DOK6: variants seen among roughly 807,000 people sequenced by gnomAD.
DOK6 encodes the protein docking protein 6.
In DOK6, 22 loss-of-function variants were observed where a neutral mutation model predicts 44.0. The ratio of observed to expected loss-of-function variants is 0.50; its 90% CI spans 0.36 to 0.71. The LOEUF is 0.71. Ranked by LOEUF, DOK6 falls within the 30% of genes least tolerant of loss-of-function variation. The probability of loss-of-function intolerance (pLI) is 0.00; values close to 1 mark genes in which losing one functional copy is unlikely to be tolerated. For missense variants in DOK6, 340 were observed against 416.4 expected, an observed-to-expected ratio of 0.82 and a Z score of 1.60; for synonymous variants, 166 against 145.5, an observed-to-expected ratio of 1.14 and a Z score of -1.01.
intron 1 of DOK6, among the ~76,000 whole-genome samples, chr18:69,486,160 A>G (rs1980572721): frequency 6.6e-6 from 1 of 151,878 alleles, no homozygotes; most frequent in South Asian, 2.1e-4. Flanking sequence ...AATAATGTCT[A>G]CATTCTTCTT....
chr18:69,489,195 G>T (rs904193445), intron 1 of DOK6, among the ~76,000 whole-genome samples: 2 of 152,160 alleles, frequency 1.3e-5, no homozygotes, highest in Non-Finnish European at 1.5e-5. Flanking sequence ...ACCTTGTCCA[G>T]CTTAAATACT....
chr18:69,646,972 A>G (rs1320040484), intron 3 of DOK6, among the ~76,000 whole-genome samples: 9 of 152,088 alleles, frequency 5.9e-5, no homozygotes, highest in Non-Finnish European at 1.3e-4. Flanking sequence ...ATCTAGCTAT[A>G]TAATCTATCT....
chr18:69,490,639 C>T (rs112887344), intron 1 of DOK6, among the ~76,000 whole-genome samples: 139 of 152,202 alleles, frequency 9.1e-4, no homozygotes, highest in African/African-American at 3.1e-3. Context: ...TGACCATCTA[C>T]ATACTAATAT....
At chr18:69,777,554 C>T (rs935249285) in intron 7 of DOK6, among the ~76,000 whole-genome samples, 7 of 151,776 alleles carry the variant, frequency 4.6e-5, no homozygotes, top group African/African-American at 1.7e-4. Context: ...TTTTTTCTTA[C>T]CCCAGCAATT....
intron 3 of DOK6, among the ~76,000 whole-genome samples, chr18:69,672,100 G>A (rs1985811432): frequency 6.6e-6 from 1 of 152,108 alleles, no homozygotes; most frequent in Non-Finnish European, 1.5e-5. Context: ...AAACTAAGAA[G>A]GCCATATTTG....
chr18:69,815,463 T>G (rs575634973), intron 7 of DOK6, among the ~76,000 whole-genome samples: 22 of 152,288 alleles, frequency 1.4e-4, no homozygotes, highest in African/African-American at 4.6e-4. Context: ...GGCAATTACT[T>G]GGGACTACGA....
At chr18:69,785,959 C>A in intron 7 of DOK6, among the ~76,000 whole-genome samples, 1 of 152,124 alleles carries the variant, frequency 6.6e-6, no homozygotes, top group Non-Finnish European at 1.5e-5. Context: ...CTCAGCTAGT[C>A]TTAATGCCAT....
intron 7 of DOK6, among the ~76,000 whole-genome samples, chr18:69,838,097 A>AC (rs147750150): frequency 0.19 from 29,004 of 152,112 alleles, 2,882 homozygotes; most frequent in African/African-American, 0.24. Context: ...ATTTAAAAAA[A>AC]GTGTTAATAA....
chr18:69,778,611 T>A (rs1568123956), intron 7 of DOK6, among the ~76,000 whole-genome samples: 1 of 152,150 alleles, frequency 6.6e-6, no homozygotes, highest in South Asian at 2.1e-4. Flanking sequence ...TAAATACTGC[T>A]TTTGAAATGT....
In DOK6 at chr18:69,743,915, T is replaced by C. The variant is rs567974385; in HGVS notation, c.738+4812T>C. Among the ~76,000 whole-genome samples, 71 of 151,788 alleles carry C rather than the reference T, an allele frequency of 4.7e-4. No homozygotes were observed. In the South Asian group the frequency reaches 0.014, roughly 29 times the overall value. On this transcript the variant is annotated intron_variant, in intron 6 of 7. Transcript: ENST00000382713. ...GCTCTGTATACAGTGTAAGGACAAATAGCATGAGTGCTGTTGAAACGCCAG... is the reference window on the plus strand; with the variant it reads ...GCTCTGTATACAGTGTAAGGACAAACAGCATGAGTGCTGTTGAAACGCCAG...
chr18:69,671,514 C>A (rs985607182), intron 3 of DOK6, among the ~76,000 whole-genome samples: 1 of 152,066 alleles, frequency 6.6e-6, no homozygotes, highest in Non-Finnish European at 1.5e-5. Context: ...TTATGCAAAA[C>A]CTTCAGGTTG....
intron 1 of DOK6, among the ~76,000 whole-genome samples, chr18:69,480,963 T>A (rs1980401323): frequency 6.6e-6 from 1 of 152,122 alleles, no homozygotes; most frequent in Non-Finnish European, 1.5e-5. Flanking sequence ...AAGCCCAATA[T>A]ATCTACCTCC....
At chr18:69,573,843 C>T (rs944541743) in intron 2 of DOK6, among the ~76,000 whole-genome samples, 3 of 151,910 alleles carry the variant, frequency 2.0e-5, no homozygotes, top group South Asian at 2.1e-4. Context: ...ACCATCCTTT[C>T]GTTATTCTAT....
chr18:69,525,601 C>T (rs564796032), intron 1 of DOK6, among the ~76,000 whole-genome samples: 1 of 151,982 alleles, frequency 6.6e-6, no homozygotes, highest in South Asian at 2.1e-4. Flanking sequence ...CTACACTTGC[C>T]ATTTCCCTGC....
intron 5 of DOK6, among the ~76,000 whole-genome samples, chr18:69,733,549 C>A (rs1978490110): frequency 6.6e-6 from 1 of 152,100 alleles, no homozygotes; most frequent in South Asian, 2.1e-4. Flanking sequence ...CACTTATCCA[C>A]CCACTTTACA....
At chr18:69,766,127 T>C (rs1476870841) in intron 7 of DOK6, among the ~76,000 whole-genome samples, 1 of 152,204 alleles carries the variant, frequency 6.6e-6, no homozygotes, top group Non-Finnish European at 1.5e-5. Context: ...GCAACATGGA[T>C]GTAGCTGGAG....
intron 1 of DOK6, among the ~76,000 whole-genome samples, chr18:69,477,379 A>G (rs1980296881): frequency 6.6e-6 from 1 of 152,150 alleles, no homozygotes; most frequent in African/African-American, 2.4e-5. Context: ...ATCAAGATCA[A>G]AAAGTGTATG....
At chr18:69,550,207 C>T (rs1482383578) in intron 1 of DOK6, among the ~76,000 whole-genome samples, 2,526 of 148,396 alleles carry the variant, frequency 0.017, 46 homozygotes, top group Middle Eastern at 0.035. Flanking sequence ...TACTAAGAAG[C>T]AAAGCCATCA....
intron 1 of DOK6, among the ~76,000 whole-genome samples, chr18:69,474,206 C>A (rs71368400): frequency 6.6e-6 from 1 of 152,102 alleles, no homozygotes; most frequent in Non-Finnish European, 1.5e-5. Flanking sequence ...CACACTCTCT[C>A]TCTGGTTTTT....
Sources: gnomAD v4.1 joint callset for allele counts (sites outside exome capture counted in the v4.1 genomes callset) on GRCh38, gnomAD v4.1.1 for gene constraint, MANE v1.5 for transcripts, NCBI Gene and HGNC (gene_info 2026-07-23, HGNC 2026-07-21) for gene names.